Variants in BCL9 observed in about 807,000 individuals in gnomAD.
BCL9 encodes B-cell CLL/lymphoma 9 protein.
Under a neutral mutation model 88.5 loss-of-function variants are expected in BCL9, and 25 were observed. That is an observed-to-expected ratio of 0.28 (90% CI 0.21 to 0.39). BCL9 has a LOEUF of 0.39. Ranked by LOEUF, BCL9 falls within the 10% of genes least tolerant of loss-of-function variation. BCL9 has a pLI of 1.00. For synonymous variants in BCL9, 711 were observed against 673.3 expected, an observed-to-expected ratio of 1.06 and a Z score of -0.87; for missense variants, 1,817 against 1,877.8, an observed-to-expected ratio of 0.97 and a Z score of 0.60.
At position 147,582,218 on chromosome 1, in the gene BCL9, A is replaced by G. The variant is rs587662297; in HGVS notation, c.-477-22559A>G. 2.0e-4 allele frequency among the ~76,000 whole-genome samples: 30 copies of G among 152,378 alleles called. No individual in the cohort carries two copies. The South Asian group carries it at 6.0e-3, about 31-fold the overall frequency. The stretch of plus-strand genomic sequence containing the variant: ...GCATGTGATAAAACGTTTCTGTGAA[A>G]GATTTATGTCTGCATAATATTTCAT... On this transcript the variant is annotated intron_variant, in intron 1 of 9. Coordinates refer to ENST00000234739, the MANE Select transcript of BCL9 (RefSeq NM_004326.4).
chr1:147,583,257 TTTTATTTA>T (rs202003460), intron 1 of BCL9, among the ~76,000 whole-genome samples: 1 of 152,018 alleles, frequency 6.6e-6, no homozygotes, highest in African/African-American at 2.4e-5. Context: ...ACTGTTTGCC[TTTTATTTA>T]TTTATTTATT....
intron 1 of BCL9, among the ~76,000 whole-genome samples, chr1:147,542,056 C>T (rs1654348523): frequency 6.6e-6 from 1 of 152,194 alleles, no homozygotes; most frequent in Non-Finnish European, 1.5e-5. Flanking sequence ...TTGCAGGCTC[C>T]GAGCTGTGCA....
intron 1 of BCL9, among the ~76,000 whole-genome samples, chr1:147,599,276 C>T (rs113320857): frequency 0.021 from 3,226 of 152,312 alleles, 109 homozygotes; most frequent in African/African-American, 0.074. Context: ...CCGGCCATGG[C>T]CCAGGCGGTG....
At chr1:147,557,717 A>G (rs1655181970) in intron 1 of BCL9, among the ~76,000 whole-genome samples, 1 of 152,200 alleles carries the variant, frequency 6.6e-6, no homozygotes. Flanking sequence ...TATATTTTAT[A>G]TATGCATGTC....
At chr1:147,580,651 A>G (rs1656324928) in intron 1 of BCL9, among the ~76,000 whole-genome samples, 1 of 152,252 alleles carries the variant, frequency 6.6e-6, no homozygotes, top group African/African-American at 2.4e-5. Flanking sequence ...AAAGCGAAGA[A>G]TTAAAGCTCT....
At chr1:147,565,885 A>G (rs1655572791) in intron 1 of BCL9, among the ~76,000 whole-genome samples, 1 of 152,088 alleles carries the variant, frequency 6.6e-6, no homozygotes. Context: ...TCCCCTCCAG[A>G]TCTACCCACT....
intron 1 of BCL9, among the ~76,000 whole-genome samples, chr1:147,587,024 TTCTC>T (rs386635270): frequency 6.8e-6 from 1 of 147,668 alleles, no homozygotes; most frequent in Non-Finnish European, 1.5e-5. Flanking sequence ...TTCTCTCTCT[TTCTC>T]TCTCTCTCTA....
chr1:147,567,647 A>T (rs1458493411), intron 1 of BCL9, among the ~76,000 whole-genome samples: 1 of 152,222 alleles, frequency 6.6e-6, no homozygotes, highest in East Asian at 1.9e-4. Context: ...CTGACCCTCA[A>T]TGAGAATAAT....
At chr1:147,555,222 T>C (rs114769747) in intron 1 of BCL9, among the ~76,000 whole-genome samples, 4,261 of 152,206 alleles carry the variant, frequency 0.028, 106 homozygotes, top group Non-Finnish European at 0.042. Flanking sequence ...ACTTATGCTA[T>C]CATGCCTCTG....
In BCL9 at chr1:147,620,306, G is replaced by A. The variant is rs61754125; in HGVS notation, c.2151G>A (p.Lys717=). 53,694 of 1,614,176 alleles carry A rather than the reference G, an allele frequency of 0.033. 1,029 individuals carry two copies. Among genetic ancestry groups the A allele is most frequent in the South Asian group, 0.047 (4,303 of 91,086 alleles). ...TTGGGATGGTTCCTAGTGGGATGAA[G>A]GGAGATGTCAATCTAAATGTCAACA... The part of the protein sequence containing the change: ...LEFGMVPSGM[K]GDVNLNVNMG... Residue 717 remains lysine, a synonymous_variant, in exon 8 of 10, where the codon AAG becomes AAA. Coordinates refer to ENST00000234739, the MANE Select transcript of BCL9 (RefSeq NM_004326.4).
chr1:147,612,884 A>G lies in BCL9; in HGVS notation c.55A>G (p.Ser19Gly), dbSNP rs145723033. 1,665 of 1,613,548 alleles carry G rather than the reference A, an allele frequency of 1.0e-3. 1 individual carries two copies. The highest frequency in any genetic ancestry group is 1.8e-3 in the Middle Eastern group (11 of 6,052). ...RSSPSGNTQSSPKSKQEVMVR... is the reference protein window; with the variant it reads ...RSSPSGNTQSGPKSKQEVMVR... ...TCCTTTGTTATTTGTTTCTTTTAGT[A>G]GCCCTAAGTCAAAGCAGGAGGTGAT... The change falls in exon 5 of 10, where the codon AGC (serine) becomes GGC (glycine). Residue 19 changes from serine (S) to glycine (G), a missense_variant and splice_region_variant. This residue lies in a region of BCL9 where 1,228 missense variants were observed against 1,191.6 expected (regional missense o/e 1.03). Coordinates refer to ENST00000234739, the MANE Select transcript of BCL9 (RefSeq NM_004326.4).
chr1:147,617,149 C>G (rs1271679478), intron 7 of BCL9, among the ~76,000 whole-genome samples: 2 of 152,136 alleles, frequency 1.3e-5, no homozygotes, highest in African/African-American at 4.8e-5. Flanking sequence ...AAGATGCATA[C>G]AGTTATATTT....
intron 1 of BCL9, among the ~76,000 whole-genome samples, chr1:147,579,913 T>C (rs1656286490): frequency 6.6e-6 from 1 of 152,222 alleles, no homozygotes; most frequent in Non-Finnish European, 1.5e-5. Context: ...TTTCCTTGGC[T>C]TGAGCATTGT....
intron 1 of BCL9, among the ~76,000 whole-genome samples, chr1:147,553,310 A>C (rs1475874866): frequency 6.6e-6 from 1 of 152,140 alleles, no homozygotes; most frequent in African/African-American, 2.4e-5. Context: ...CTCTTTTCCC[A>C]AACTCTGCAG....
At chr1:147,546,556 G>A (rs587670125) in intron 1 of BCL9, among the ~76,000 whole-genome samples, 1 of 152,218 alleles carries the variant, frequency 6.6e-6, no homozygotes, top group African/African-American at 2.4e-5. Flanking sequence ...TCAGAATGAG[G>A]GAATTGGACT....
At position 147,622,229 on chromosome 1, in the gene BCL9, T is replaced by A. The variant is rs374505157; in HGVS notation, c.2903-42T>A. 2.5e-6 allele frequency: 4 copies of A among 1,611,664 alleles called. No individual in the cohort carries two copies. The African/African-American group carries it at 5.3e-5, about 22-fold the overall frequency. On this transcript the variant is annotated intron_variant, in intron 8 of 9. Coordinates refer to ENST00000234739, the MANE Select transcript of BCL9 (RefSeq NM_004326.4). ...AGGGCCCAATACCCTTCAAAAGGAA[T>A]CTAATTCCCTGCCCGTTTTGTTTTA...
At chr1:147,622,212 A>G (rs1570922099) in intron 8 of BCL9, 59 bp from the exon 9 acceptor site, 4 of 1,603,864 alleles carry the variant, frequency 2.5e-6, no homozygotes, top group African/African-American at 2.7e-5. Context: ...ATAGGGCCCA[A>G]TACCCTTCAA....
intron 1 of BCL9, among the ~76,000 whole-genome samples, chr1:147,576,772 T>C (rs1241214096): frequency 6.6e-6 from 1 of 152,176 alleles, no homozygotes; most frequent in Non-Finnish European, 1.5e-5. Flanking sequence ...GGAAACTTAC[T>C]GCTGGTCTCT....
intron 1 of BCL9, among the ~76,000 whole-genome samples, chr1:147,580,065 G>C (rs1570853618): frequency 1.3e-5 from 2 of 152,128 alleles, no homozygotes; most frequent in East Asian, 3.9e-4. Context: ...CCTAAGCGAT[G>C]TACAACATGT....
Sources: gnomAD v4.1 joint callset for allele counts (sites outside exome capture counted in the v4.1 genomes callset) on GRCh38, gnomAD v4.1.1 for gene constraint, gnomAD v4.1.1 regional missense constraint, MANE v1.5 for transcripts, NCBI Gene and HGNC (gene_info 2026-07-23, HGNC 2026-07-21) for gene names.